Variants in LYAR observed in about 807,000 individuals in gnomAD.
The protein encoded by LYAR is cell growth-regulating nucleolar protein.
Under a neutral mutation model 45.2 loss-of-function variants are expected in LYAR, and 37 were observed. The ratio of observed to expected loss-of-function variants is 0.82; its 90% CI spans 0.63 to 1.08. The LOEUF is 1.08. Among genes scored for constraint, LYAR ranks in the 50% least tolerant of loss-of-function variants. LYAR has a pLI of 0.00. For synonymous variants in LYAR, 176 were observed against 155.1 expected (o/e 1.14, Z -1.00); for missense variants, 493 against 451.0 (o/e 1.09, Z -0.84).
chr4:4,289,629 G>A (rs78366324), intron 1 of LYAR: 2,871 of 152,496 alleles, frequency 0.019, 41 homozygotes, highest in Non-Finnish European at 0.029. Flanking sequence ...TCCAGGTAGT[G>A]GCAACCCAGA....
Position 4,273,444 on chromosome 4 carries a change from AG to A in LYAR, c.919+138del, listed in dbSNP as rs1439131049. The A allele has an allele frequency of 4.9e-6, 3 of 612,522 alleles. No individual in the cohort carries two copies. The African/African-American group carries it at 5.7e-5, about 12-fold the overall frequency. 37.9% of individuals were successfully genotyped at this position (612,522 alleles called of 1,614,324 possible). A position where few individuals can be genotyped will look rare whatever the true frequency, so the allele number is the denominator to read the frequency against. On this transcript the variant is annotated intron_variant, in intron 8 of 9. Coordinates refer to ENST00000343470, the MANE Select transcript of LYAR (RefSeq NM_017816.3). ...TTTTCTCTCTCTCTCGCTTTTTGAAAGTGGTACGCCCATGGCTCACTACAGC... is the reference window on the plus strand; with the variant it reads ...TTTTCTCTCTCTCTCGCTTTTTGAAATGGTACGCCCATGGCTCACTACAGC...
chr4:4,283,844 A>G (rs1560097490), intron 2 of LYAR, 49 bp from the exon 3 acceptor site: 1 of 855,462 alleles, frequency 1.2e-6, no homozygotes, highest in Non-Finnish European at 1.7e-6. Context: ...TTCTCATTTC[A>G]ATAAATGGCT....
chr4:4,273,654 T>G lies in LYAR; in HGVS notation c.848A>C (p.Lys283Thr), dbSNP rs865816073. The G allele has an allele frequency of 1.2e-6, 2 of 1,610,362 alleles. No individual in the cohort carries two copies. Among genetic ancestry groups the G allele is most frequent in the Non-Finnish European group, 1.7e-6 (2 of 1,177,356 alleles). ...RRHSEVETDS[K>T]KKKMKLPEHP... ...CTCTGGGAGCTTCATCTTTTTCTTC[T>G]TAGAATCTGTTTCAACTAAGTATTT... Residue 283 changes from lysine (K) to threonine (T), a missense_variant, in exon 8 of 10, where the codon AAG becomes ACG. Transcript: ENST00000343470.
At chr4:4,287,185 G>C (rs563317927) in intron 1 of LYAR, among the ~76,000 whole-genome samples, 1 of 152,268 alleles carries the variant, frequency 6.6e-6, no homozygotes, top group East Asian at 1.9e-4. Flanking sequence ...CCAATGTCCA[G>C]TCCCAGCGCA....
chr4:4,276,633 G>C (rs554227383), intron 6 of LYAR, among the ~76,000 whole-genome samples: 3 of 151,984 alleles, frequency 2.0e-5, no homozygotes, highest in Non-Finnish European at 4.4e-5. Context: ...GAGGTAGGGA[G>C]ATCACCTGAG....
At chr4:4,285,014 C>A (rs1399876546) in intron 2 of LYAR, among the ~76,000 whole-genome samples, 3 of 152,162 alleles carry the variant, frequency 2.0e-5, no homozygotes, top group South Asian at 4.1e-4. Context: ...AAGCAACGAC[C>A]AAGGTTATTC....
Position 4,273,622 on chromosome 4 carries a change from C to T in LYAR, c.880G>A (p.Glu294Lys), listed in dbSNP as rs1433944723. Residue 294 changes from glutamate (E) to lysine (K), a missense_variant, in exon 8 of 10, where the codon GAG becomes AAG. Transcript: ENST00000343470. ...KKKMKLPEHPEGGEPEDDEAP... is the reference protein window; with the variant it reads ...KKKMKLPEHPKGGEPEDDEAP... ...TCATCGTCTTCTGGTTCTCCGCCCT[C>T]AGGATGCTCTGGGAGCTTCATCTTT... is the stretch of plus-strand genomic sequence containing the variant. The T allele has an allele frequency of 6.2e-7, 1 of 1,613,736 alleles. No homozygotes were observed. Among genetic ancestry groups the T allele is most frequent in the Admixed American group, 1.7e-5 (1 of 59,982 alleles).
At position 4,283,616 on chromosome 4, in the gene LYAR, C is replaced by T; in HGVS notation, c.122+5G>A. ...ATGGATCTACATGAATTCTGTGAAG[C>T]TTACCAGAAATCTTTACCGCAGTCA... On this transcript the variant is annotated splice_donor_5th_base_variant and intron_variant, in intron 3 of 9. Transcript: ENST00000343470. 6.2e-7 allele frequency: 1 copy of T among 1,609,390 alleles called. No homozygotes were observed. The highest frequency in any genetic ancestry group is 2.2e-5 in the East Asian group (1 of 44,838).
chr4:4,272,955 A>G (rs1304117181), intron 8 of LYAR, among the ~76,000 whole-genome samples: 1 of 152,118 alleles, frequency 6.6e-6, no homozygotes, highest in East Asian at 1.9e-4. Flanking sequence ...GCAGGAGAGA[A>G]GCTTTGTGTA....
intron 4 of LYAR, among the ~76,000 whole-genome samples, chr4:4,281,135 A>C (rs1479473124): frequency 2.0e-5 from 3 of 152,186 alleles, no homozygotes; most frequent in Non-Finnish European, 4.4e-5. Flanking sequence ...ACAGATTAAC[A>C]TGGCTTGAGT....
chr4:4,269,357 A>G (rs1442761909), intron 8 of LYAR, among the ~76,000 whole-genome samples: 1 of 152,224 alleles, frequency 6.6e-6, no homozygotes, highest in Non-Finnish European at 1.5e-5. Flanking sequence ...GCAGCCACAC[A>G]TCACAGAAAA....
chr4:4,279,053 G>A (rs575417027), intron 6 of LYAR, among the ~76,000 whole-genome samples: 7 of 151,208 alleles, frequency 4.6e-5, no homozygotes, highest in East Asian at 4.3e-4. Context: ...GGCCAGGTGC[G>A]GAGGCTCATG....
Position 4,281,250 on chromosome 4 carries a change from A to C in LYAR, c.237+533T>G, listed in dbSNP as rs2920231. On this transcript the variant is annotated intron_variant, in intron 4 of 9. Coordinates refer to ENST00000343470, the MANE Select transcript of LYAR (RefSeq NM_017816.3). ...AGAATTCTAAAACTTTTTTTTCAAG[A>C]AATTAACAAAACACATGGATTAAAG... Among the ~76,000 whole-genome samples, 843 of 151,936 alleles carry C rather than the reference A, an allele frequency of 5.5e-3. 10 individuals carry two copies. The highest frequency in any genetic ancestry group is 0.02 in the African/African-American group (804 of 41,220).
intron 3 of LYAR, among the ~76,000 whole-genome samples, chr4:4,283,314 C>T (rs1478007319): frequency 6.6e-6 from 1 of 152,122 alleles, no homozygotes; most frequent in Non-Finnish European, 1.5e-5. Flanking sequence ...CCACGCCTGA[C>T]TAATTTTTGT....
chr4:4,282,956 A>G (rs1348610672), intron 3 of LYAR, among the ~76,000 whole-genome samples: 1 of 152,160 alleles, frequency 6.6e-6, no homozygotes, highest in African/African-American at 2.4e-5. Flanking sequence ...TGGGCATGTG[A>G]TACCCATGGT....
At chr4:4,268,303 A>G (rs1718793636) in intron 9 of LYAR, among the ~76,000 whole-genome samples, 1 of 152,132 alleles carries the variant, frequency 6.6e-6, no homozygotes, top group Non-Finnish European at 1.5e-5. Flanking sequence ...TCCAAACAAT[A>G]AAAATTAAAT....
Position 4,276,287 on chromosome 4 carries a change from C to A in LYAR, c.430-1518G>T, listed in dbSNP as rs541889290. On this transcript the variant is annotated intron_variant, in intron 6 of 9. Transcript: ENST00000343470. ...AGGGTAAGTTACCTACAGTCTTCCTCCTTTGGGAGATTGTGGGTAGCAAGG... is the reference window on the plus strand; with the variant it reads ...AGGGTAAGTTACCTACAGTCTTCCTACTTTGGGAGATTGTGGGTAGCAAGG... Among the ~76,000 whole-genome samples, 67 of 152,246 alleles carry A rather than the reference C, an allele frequency of 4.4e-4. No individual in the cohort carries two copies. The South Asian group carries it at 6.8e-3, about 16-fold the overall frequency.
chr4:4,275,807 T>C (rs1719156252), intron 6 of LYAR, among the ~76,000 whole-genome samples: 1 of 152,172 alleles, frequency 6.6e-6, no homozygotes, highest in Admixed American at 6.5e-5. Context: ...GTGATTCTCC[T>C]GTCTCAGCCT....
At chr4:4,284,651 A>G (rs909673731) in intron 2 of LYAR, among the ~76,000 whole-genome samples, 1 of 152,234 alleles carries the variant, frequency 6.6e-6, no homozygotes, top group Non-Finnish European at 1.5e-5. Context: ...TTTCACAGAA[A>G]TGCTACCGTG....
Sources: gnomAD v4.1 joint callset for allele counts (sites outside exome capture counted in the v4.1 genomes callset) on GRCh38, gnomAD v4.1.1 for gene constraint, MANE v1.5 for transcripts, NCBI Gene and HGNC (gene_info 2026-07-23, HGNC 2026-07-21) for gene names.